The following RANBP17 variants were observed in gnomAD, a reference collection of about 807,000 sequenced individuals.
RANBP17 encodes RAN binding protein 17.
In RANBP17, 158 loss-of-function variants were observed where a neutral mutation model predicts 141.2. The ratio of observed to expected loss-of-function variants is 1.12; its 90% CI spans 0.98 to 1.28. The LOEUF (loss-of-function observed/expected upper bound fraction) is 1.28, where lower values mean the gene tolerates loss of function less well. Among genes scored for constraint, RANBP17 ranks in the 50% most tolerant of loss-of-function variants. The probability of loss-of-function intolerance (pLI) is 0.00; values close to 1 mark genes in which losing one functional copy is unlikely to be tolerated. For synonymous variants in RANBP17, 430 were observed against 450.0 expected (o/e 0.96, Z 0.56); for missense variants, 1,438 against 1,290.7 (o/e 1.11, Z -1.75).
chr5:171,298,261 G>A (rs895325845), intron 27 of RANBP17, among the ~76,000 whole-genome samples: 9 of 152,162 alleles, frequency 5.9e-5, no homozygotes, highest in African/African-American at 2.2e-4. Context: ...AAGTGGTAGA[G>A]CTAGGATTTG....
chr5:171,155,883 A>G (rs1188499526), intron 14 of RANBP17, among the ~76,000 whole-genome samples: 2 of 152,158 alleles, frequency 1.3e-5, no homozygotes, highest in Non-Finnish European at 2.9e-5. Flanking sequence ...GAAATTAATA[A>G]TAAAAGGCAA....
At chr5:171,218,269 T>G (rs186895098) in intron 21 of RANBP17, among the ~76,000 whole-genome samples, 3 of 152,306 alleles carry the variant, frequency 2.0e-5, no homozygotes, top group Non-Finnish European at 4.4e-5. Flanking sequence ...TTGTTATGAT[T>G]TCTGTTCATT....
intron 22 of RANBP17, among the ~76,000 whole-genome samples, chr5:171,232,179 G>A (rs1581080529): frequency 6.6e-6 from 1 of 152,092 alleles, no homozygotes; most frequent in African/African-American, 2.4e-5. Context: ...ATGTTTTTAA[G>A]ATTTTTATAT....
chr5:171,218,945 C>T (rs563666331), intron 21 of RANBP17, among the ~76,000 whole-genome samples: 1 of 152,258 alleles, frequency 6.6e-6, no homozygotes, highest in South Asian at 2.1e-4. Flanking sequence ...CATCATGATG[C>T]TAGCTGGTTA....
intron 14 of RANBP17, among the ~76,000 whole-genome samples, chr5:171,067,010 G>C (rs1784350955): frequency 6.6e-6 from 1 of 152,092 alleles, no homozygotes; most frequent in Admixed American, 6.5e-5. Context: ...TAAAAATATA[G>C]GTTATTTTAA....
At chr5:171,006,305 A>C (rs886353962) in intron 14 of RANBP17, among the ~76,000 whole-genome samples, 2 of 152,354 alleles carry the variant, frequency 1.3e-5, no homozygotes, top group African/African-American at 4.8e-5. Context: ...ACGTATGTTC[A>C]TTGTGGCACT....
chr5:171,161,108 A>G (rs1471564965), intron 14 of RANBP17, among the ~76,000 whole-genome samples: 3 of 152,172 alleles, frequency 2.0e-5, no homozygotes, highest in Non-Finnish European at 4.4e-5. Flanking sequence ...CTTAAAAATC[A>G]TTCTGTCAAA....
At chr5:171,004,445 T>A (rs116578316) in intron 14 of RANBP17, among the ~76,000 whole-genome samples, 2,741 of 152,074 alleles carry the variant, frequency 0.018, 35 homozygotes, top group Non-Finnish European at 0.026. Flanking sequence ...CTGGGGGAGT[T>A]TTAAGGGGTT....
chr5:171,266,097 T>A (rs1430207692), intron 25 of RANBP17, among the ~76,000 whole-genome samples: 1 of 152,082 alleles, frequency 6.6e-6, no homozygotes, highest in Admixed American at 6.6e-5. Context: ...AAGAGGATAG[T>A]TTTTCCAGAG....
chr5:170,932,032 T>C (rs1445660861), intron 12 of RANBP17, among the ~76,000 whole-genome samples: 3 of 152,146 alleles, frequency 2.0e-5, no homozygotes, highest in African/African-American at 4.8e-5. Context: ...ATTCTTCCTA[T>C]CCATGAGCAT....
At chr5:171,238,199 G>A (rs551961076) in intron 22 of RANBP17, among the ~76,000 whole-genome samples, 4 of 152,206 alleles carry the variant, frequency 2.6e-5, no homozygotes, top group East Asian at 1.9e-4. Context: ...TTATTAAGAC[G>A]CTAAGCTTGT....
At chr5:171,142,357 A>T (rs1321103306) in intron 14 of RANBP17, among the ~76,000 whole-genome samples, 1 of 152,234 alleles carries the variant, frequency 6.6e-6, no homozygotes, top group Non-Finnish European at 1.5e-5. Flanking sequence ...GTACAACTAT[A>T]CAGCTCTAGA....
chr5:170,961,943 T>C (rs558827507), intron 13 of RANBP17, among the ~76,000 whole-genome samples: 1 of 152,326 alleles, frequency 6.6e-6, no homozygotes, highest in East Asian at 1.9e-4. Flanking sequence ...CTAGGTTGTT[T>C]TGCAGCTAGG....
chr5:171,051,892 T>C (rs1384626027), intron 14 of RANBP17, among the ~76,000 whole-genome samples: 1 of 152,122 alleles, frequency 6.6e-6, no homozygotes, highest in Non-Finnish European at 1.5e-5. Flanking sequence ...TTGTTAACAT[T>C]TGTTATTTTT....
At chr5:171,087,558 G>A (rs1445267555) in intron 14 of RANBP17, among the ~76,000 whole-genome samples, 1 of 151,828 alleles carries the variant, frequency 6.6e-6, no homozygotes, top group African/African-American at 2.4e-5. Context: ...AATGTTGACA[G>A]TGGGGTGTTA....
In RANBP17 at chr5:170,968,357, C is replaced by A; in HGVS notation, c.1690C>A (p.Gln564Lys). 1 of 1,604,522 alleles carries A rather than the reference C, an allele frequency of 6.2e-7. No individual in the cohort carries two copies. The highest frequency in any genetic ancestry group is 1.1e-5 in the South Asian group (1 of 88,722). The change falls in exon 14 of 28, where the codon CAA becomes AAA. Residue 564 changes from glutamine to lysine, a missense_variant. Gln to Lys is a moderately conservative substitution (Grantham distance 53). Transcript: ENST00000523189. ...GTTTCGTAAAACATATGTTGGTGAT[C>A]AACTTCAAAGAACCTCAAAGGTAGG... is the stretch of plus-strand genomic sequence containing the variant. The part of the protein sequence containing the change: ...DQFRKTYVGD[Q>K]LQRTSKVYAR...
chr5:171,180,837 G>C (rs996588377), intron 16 of RANBP17, among the ~76,000 whole-genome samples: 1 of 152,164 alleles, frequency 6.6e-6, no homozygotes, highest in African/African-American at 2.4e-5. Context: ...GTCTTTGACA[G>C]ATGAGATTCT....
In RANBP17 at chr5:171,105,962, A is replaced by G. The variant is rs192257127; in HGVS notation, c.1711-64168A>G. On this transcript the variant is annotated intron_variant, in intron 14 of 27. Transcript: ENST00000523189. ...GATTGTTGCTTTAGGCCATCAATTG[A>G]TGTGCACTGCAAGGGGTAAATTGTT... Among the ~76,000 whole-genome samples the G allele has an allele frequency of 3.2e-4, 49 of 152,304 alleles. 2 individuals are homozygous for G. The East Asian group carries it at 8.1e-3, about 25-fold the overall frequency.
chr5:170,900,107 G>C (rs919414033), intron 5 of RANBP17, among the ~76,000 whole-genome samples: 1 of 152,100 alleles, frequency 6.6e-6, no homozygotes, highest in African/African-American at 2.4e-5. Flanking sequence ...GCTCCTCTTT[G>C]TAACTCTGGT....
Sources: allele counts gnomAD v4.1 joint callset (sites outside exome capture counted in the v4.1 genomes callset), GRCh38; gene constraint gnomAD v4.1.1; transcripts MANE v1.5; gene names NCBI Gene and HGNC (gene_info 2026-07-23, HGNC 2026-07-21).